Variants in TMEM144 observed in about 807,000 individuals in gnomAD.
TMEM144 encodes transmembrane protein 144.
A neutral mutation model predicts 43.6 loss-of-function variants in TMEM144; 39 were observed. That is an observed-to-expected ratio of 0.90 (90% CI 0.69 to 1.17). The LOEUF (loss-of-function observed/expected upper bound fraction) is 1.17, where lower values mean the gene tolerates loss of function less well. TMEM144 is among the 50% of genes most tolerant of loss of function. The pLI is 0.00. For synonymous variants in TMEM144, 154 were observed against 133.6 expected (o/e 1.15, Z -1.06); for missense variants, 417 against 411.9 (o/e 1.01, Z -0.11).
chr4:158,225,870 G>A (rs1340629797), intron 6 of TMEM144, among the ~76,000 whole-genome samples: 3 of 152,036 alleles, frequency 2.0e-5, no homozygotes, highest in Admixed American at 1.3e-4. Context: ...GATGGCCCTC[G>A]GGGGCTGACC....
intron 12 of TMEM144, among the ~76,000 whole-genome samples, chr4:158,250,195 CATATATATATATATATATAT>C (rs5863314): frequency 8.1e-5 from 11 of 135,550 alleles, no homozygotes; most frequent in South Asian, 4.7e-4. Context: ...TAATACATAA[CATATATATATATATATATAT>C]ATATATATAT....
chr4:158,253,532 G>A lies in TMEM144; in HGVS notation c.*5G>A, dbSNP rs1254453295. ...ACTGCTTTTTCTAAAATCTAACAAT[G>A]ACAAAACCAGCAGGTGGCAGCAGTA... On this transcript the variant is annotated 3_prime_UTR_variant, in exon 13 of 13. Transcript: ENST00000296529. The A allele has an allele frequency of 3.1e-6, 5 of 1,611,760 alleles. No individual in the cohort carries two copies. The highest frequency in any genetic ancestry group is 4.2e-6 in the Non-Finnish European group (5 of 1,178,242).
intron 10 of TMEM144, among the ~76,000 whole-genome samples, 184 bp downstream of exon 10, chr4:158,240,602 ATATGAAG>A (rs1735586035): frequency 6.6e-6 from 1 of 152,140 alleles, no homozygotes; most frequent in Non-Finnish European, 1.5e-5. Flanking sequence ...TCACCACCAA[ATATGAAG>A]TATTTTAAAT....
intron 6 of TMEM144, among the ~76,000 whole-genome samples, chr4:158,227,325 T>C (rs564083760): frequency 9.2e-5 from 14 of 152,272 alleles, no homozygotes; most frequent in Non-Finnish European, 4.4e-5. Context: ...CTGAATGCAT[T>C]TGGGCCATCC....
intron 3 of TMEM144, among the ~76,000 whole-genome samples, chr4:158,214,198 G>A (rs567491872): frequency 1.4e-4 from 21 of 152,018 alleles, no homozygotes; most frequent in East Asian, 3.9e-4. Context: ...TACCACACCC[G>A]GCTAATTTCT....
At chr4:158,239,782 A>G (rs924870373) in intron 9 of TMEM144, among the ~76,000 whole-genome samples, 9 of 152,288 alleles carry the variant, frequency 5.9e-5, no homozygotes, top group Non-Finnish European at 1.2e-4. Flanking sequence ...AGTTTTGATT[A>G]TAGTAACTAA....
At chr4:158,219,441 CT>C in intron 6 of TMEM144, 51 bp downstream of exon 6, 1 of 1,521,166 alleles carries the variant, frequency 6.6e-7, no homozygotes, top group Non-Finnish European at 9.1e-7. Context: ...ATGGAGAGTG[CT>C]TTTTTAAGGA....
chr4:158,227,510 GT>G (rs1278491200), intron 6 of TMEM144, among the ~76,000 whole-genome samples: 7 of 151,952 alleles, frequency 4.6e-5, no homozygotes, highest in South Asian at 2.1e-4. Flanking sequence ...AAGGTACACT[GT>G]TTTTTTTCTT....
intron 11 of TMEM144, among the ~76,000 whole-genome samples, chr4:158,242,696 G>C (rs1579145755): frequency 6.6e-6 from 1 of 152,026 alleles, no homozygotes; most frequent in Non-Finnish European, 1.5e-5. Flanking sequence ...AAAGAAAAAA[G>C]TCACCTAGCA....
chr4:158,229,344 A>C (rs1325197256), intron 6 of TMEM144, among the ~76,000 whole-genome samples: 1 of 152,132 alleles, frequency 6.6e-6, no homozygotes, highest in East Asian at 1.9e-4. Context: ...AAGGAGGCTG[A>C]AGAACAGCAA....
At position 158,217,384 on chromosome 4, in the gene TMEM144, G is replaced by T. The variant is rs145341655; in HGVS notation, c.296G>T (p.Gly99Val). The T allele has an allele frequency of 3.1e-6, 5 of 1,613,016 alleles. No homozygotes were observed. In the African/African-American group the frequency reaches 5.3e-5, roughly 17 times the overall value. The change falls in exon 5 of 13, where the codon GGA becomes GTA. Residue 99 changes from glycine to valine, a missense_variant. Coordinates refer to ENST00000296529, the MANE Select transcript of TMEM144 (RefSeq NM_018342.5). ...IGLGLGILIW[G>V]SFNALTGWAS... ...TTAGGCCTTGGAATCTTAATCTGGGGATCATTTAATGCCTTAACTGGCTGG... is the reference window on the plus strand; with the variant it reads ...TTAGGCCTTGGAATCTTAATCTGGGTATCATTTAATGCCTTAACTGGCTGG...
intron 9 of TMEM144, among the ~76,000 whole-genome samples, chr4:158,239,907 A>G (rs911557005): frequency 2.7e-5 from 4 of 146,894 alleles, no homozygotes; most frequent in Admixed American, 1.3e-4. Context: ...TTTTTTTGAG[A>G]CAGAGTCTCA....
At chr4:158,237,447 T>C in intron 8 of TMEM144, 78 bp from the exon 9 acceptor site, 1 of 1,118,802 alleles carries the variant, frequency 8.9e-7, no homozygotes, top group Non-Finnish European at 1.3e-6. Flanking sequence ...TTTTGAAGCA[T>C]GTTTATGATT....
intron 10 of TMEM144, 85 bp downstream of exon 10, chr4:158,240,503 A>G: frequency 7.0e-7 from 1 of 1,424,828 alleles, no homozygotes; most frequent in Non-Finnish European, 9.5e-7. Flanking sequence ...TTCTGGAAAC[A>G]AAGCCATCCT....
intron 6 of TMEM144, among the ~76,000 whole-genome samples, chr4:158,228,538 A>G (rs957456295): frequency 3.3e-5 from 5 of 152,174 alleles, no homozygotes; most frequent in African/African-American, 9.7e-5. Context: ...GTATTCAGCC[A>G]CTGCGTCGAT....
intron 3 of TMEM144, 134 bp from the exon 4 acceptor site, chr4:158,215,057 A>C (rs911111304): frequency 9.3e-7 from 1 of 1,077,028 alleles, no homozygotes; most frequent in African/African-American, 1.6e-5. Context: ...CATAAGAATG[A>C]AATGTGCAAA....
intron 8 of TMEM144, 46 bp from the exon 9 acceptor site, chr4:158,237,479 A>G (rs1296580767): frequency 1.4e-6 from 2 of 1,457,298 alleles, no homozygotes; most frequent in Non-Finnish European, 1.9e-6. Flanking sequence ...TTTGTCAGAA[A>G]TACTGCTTTG....
chr4:158,235,346 AAAGAG>A (rs1735285701), intron 7 of TMEM144, 87 bp from the exon 8 acceptor site: 2 of 1,316,572 alleles, frequency 1.5e-6, no homozygotes, highest in African/African-American at 2.9e-5. Context: ...AGCATGTTTG[AAAGAG>A]AAGAGAAAAG....
At position 158,240,418 on chromosome 4, in the gene TMEM144, G is replaced by A. The variant is rs781748846; in HGVS notation, c.802G>A (p.Gly268Arg). 1.2e-6 allele frequency: 2 copies of A among 1,604,902 alleles called. No homozygotes were observed. The highest frequency in any genetic ancestry group is 2.2e-5 in the South Asian group (2 of 89,230). ...ACTATATCCTGAAGCAGTCCTACCA[G>A]GTAAGAATATGTACTACAGATCTTC... ...PKLYPEAVLPGFLSGVLWAIA... is the reference protein window; with the variant it reads ...PKLYPEAVLPRFLSGVLWAIA... The change falls in exon 10 of 13, where the codon GGA becomes AGA. Residue 268 changes from glycine to arginine, a missense_variant and splice_region_variant. Gly to Arg is a moderately radical substitution (Grantham distance 125). Transcript: ENST00000296529.
Sources: gnomAD v4.1 joint callset for allele counts (sites outside exome capture counted in the v4.1 genomes callset) on GRCh38, gnomAD v4.1.1 for gene constraint, MANE v1.5 for transcripts, NCBI Gene and HGNC (gene_info 2026-07-23, HGNC 2026-07-21) for gene names.